The following TYW1 variants were observed in gnomAD, a reference collection of about 807,000 sequenced individuals.
TYW1 encodes the protein tRNA-yW synthesizing protein 1 homolog, also known as S-adenosyl-L-methionine-dependent tRNA 4-demethylwyosine synthase TYW1.
TYW1 carries 46 observed loss-of-function variants against 96.2 expected under a neutral mutation model. The observed-to-expected ratio is 0.48, with a 90% CI of 0.38 to 0.61. The LOEUF (loss-of-function observed/expected upper bound fraction) is 0.61. TYW1 is among the 20% of genes least tolerant of loss of function. The pLI is 0.00. For synonymous variants in TYW1, 274 were observed against 323.0 expected (o/e 0.85, Z 1.63); for missense variants, 684 against 909.6 (o/e 0.75, Z 3.19).
At chr7:67,055,407 G>T (rs376568397) in intron 8 of TYW1, among the ~76,000 whole-genome samples, 4 of 152,022 alleles carry the variant, frequency 2.6e-5, no homozygotes, top group African/African-American at 9.7e-5. Flanking sequence ...GACCAGCCTG[G>T]CCAACATGGT....
At chr7:67,145,402 G>T (rs1420896326) in intron 13 of TYW1, among the ~76,000 whole-genome samples, 1 of 152,082 alleles carries the variant, frequency 6.6e-6, no homozygotes, top group Non-Finnish European at 1.5e-5. Context: ...ACCCGCCTCG[G>T]CCTCCCAAAG....
intron 3 of TYW1, 63 bp from the exon 4 acceptor site, chr7:67,009,520 G>A: frequency 7.1e-7 from 1 of 1,417,138 alleles, no homozygotes; most frequent in Non-Finnish European, 9.8e-7. Flanking sequence ...TGCCAACAGG[G>A]GTAATGAGGG....
intron 9 of TYW1, among the ~76,000 whole-genome samples, chr7:67,064,952 A>G (rs1200318625): frequency 2.6e-5 from 4 of 152,256 alleles, no homozygotes; most frequent in African/African-American, 9.6e-5. Flanking sequence ...AAAATGGATC[A>G]CAGACTTAAA....
chr7:67,047,772 T>G (rs1168315190), intron 7 of TYW1, among the ~76,000 whole-genome samples: 1 of 149,542 alleles, frequency 6.7e-6, no homozygotes, highest in Non-Finnish European at 1.5e-5. Context: ...ACTTACTTTC[T>G]GTGAGTGTCA....
chr7:67,192,746 A>G (rs1171746746), intron 14 of TYW1, among the ~76,000 whole-genome samples: 4 of 152,162 alleles, frequency 2.6e-5, no homozygotes, highest in Non-Finnish European at 4.4e-5. Flanking sequence ...ACTAATTGAC[A>G]TAGGGTTTTT....
chr7:67,080,628 G>C (rs547553042), intron 10 of TYW1, among the ~76,000 whole-genome samples: 2 of 152,146 alleles, frequency 1.3e-5, no homozygotes, highest in Non-Finnish European at 2.9e-5. Flanking sequence ...TCGAACTCCT[G>C]ACCTCGTGAT....
chr7:66,997,683 C>A (rs978133255), intron 1 of TYW1, among the ~76,000 whole-genome samples: 1 of 132,768 alleles, frequency 7.5e-6, no homozygotes, highest in African/African-American at 2.8e-5. Flanking sequence ...GGCTGGAGTG[C>A]GGTGGCGCAA....
chr7:67,181,736 A>G lies in TYW1; in HGVS notation c.1699-1390A>G, dbSNP rs1010446433. 2.6e-5 allele frequency among the ~76,000 whole-genome samples: 4 copies of G among 152,142 alleles called. 1 individual carries two copies. The highest frequency in any genetic ancestry group is 9.7e-5 in the African/African-American group (4 of 41,430). On this transcript the variant is annotated intron_variant, in intron 13 of 15. Transcript: ENST00000359626. ...ATGTACATAGAACCACATGCATCCC[A>G]TCACCTTTGCCATAGTCTGTTGGTT...
chr7:67,153,764 G>T (rs9690145), intron 13 of TYW1, among the ~76,000 whole-genome samples: 3 of 151,928 alleles, frequency 2.0e-5, no homozygotes, highest in Admixed American at 6.6e-5. Flanking sequence ...TTTTTAAAGT[G>T]CAAATTGAAT....
intron 13 of TYW1, among the ~76,000 whole-genome samples, chr7:67,157,753 T>G (rs1160161432): frequency 6.6e-6 from 1 of 152,226 alleles, no homozygotes; most frequent in Non-Finnish European, 1.5e-5. Flanking sequence ...CAGACTTCCC[T>G]TGTCTTTGAT....
intron 13 of TYW1, among the ~76,000 whole-genome samples, chr7:67,124,118 C>A (rs1458574694): frequency 6.6e-6 from 1 of 152,176 alleles, no homozygotes; most frequent in African/African-American, 2.4e-5. Context: ...ATGACTCATA[C>A]TTTACCAGAA....
chr7:67,020,852 A>C (rs1245512229), intron 6 of TYW1, among the ~76,000 whole-genome samples: 1 of 152,244 alleles, frequency 6.6e-6, no homozygotes, highest in African/African-American at 2.4e-5. Flanking sequence ...ACATGGTGAA[A>C]CCCTGTCTCT....
At chr7:67,007,391 G>A (rs1793635638) in intron 3 of TYW1, among the ~76,000 whole-genome samples, 2 of 151,896 alleles carry the variant, frequency 1.3e-5, no homozygotes, top group Non-Finnish European at 1.5e-5. Flanking sequence ...TTGTTGCTTC[G>A]CTTGTTGCAT....
At chr7:67,065,020 C>T (rs1795815795) in intron 9 of TYW1, among the ~76,000 whole-genome samples, 1 of 152,246 alleles carries the variant, frequency 6.6e-6, no homozygotes, top group Non-Finnish European at 1.5e-5. Context: ...TCACATGCTT[C>T]TATGCCTGTG....
intron 8 of TYW1, among the ~76,000 whole-genome samples, chr7:67,053,091 T>A (rs796611166): frequency 0.11 from 16,181 of 151,374 alleles, 941 homozygotes; most frequent in Middle Eastern, 0.15. Flanking sequence ...CTTTTTTTTT[T>A]TTTTTTTTTT....
At chr7:67,211,191 T>TGTGTGTG (rs1353587546) in intron 15 of TYW1, among the ~76,000 whole-genome samples, 42 of 141,468 alleles carry the variant, frequency 3.0e-4, no homozygotes, top group South Asian at 4.6e-4. Flanking sequence ...TGTGTGTGTG[T>TGTGTGTG]TTTGAGCACT....
chr7:67,115,129 T>C (rs1218002842), intron 12 of TYW1, among the ~76,000 whole-genome samples: 1 of 152,138 alleles, frequency 6.6e-6, no homozygotes, highest in East Asian at 1.9e-4. Context: ...TAAGTAGTTA[T>C]GGAAGCATAC....
intron 13 of TYW1, among the ~76,000 whole-genome samples, chr7:67,167,996 G>A (rs918717819): frequency 2.0e-5 from 3 of 151,896 alleles, no homozygotes; most frequent in African/African-American, 7.3e-5. Flanking sequence ...CTCATGATCC[G>A]CCCACCTCGG....
Position 67,239,104 on chromosome 7 carries a change from C to G in TYW1, c.*575C>G, listed in dbSNP as rs1049369090. The G allele has an allele frequency of 2.0e-6, 2 of 986,254 alleles. No individual in the cohort carries two copies. The highest frequency in any genetic ancestry group is 4.7e-5 in the South Asian group (1 of 21,374). 61.1% of individuals were successfully genotyped at this position (986,254 alleles called of 1,614,324 possible). ...GATTGAGTTTTGGTTTATTACCAACCCTTCCCAGAATTGCGTTGGATCTAA... is the reference window on the plus strand; with the variant it reads ...GATTGAGTTTTGGTTTATTACCAACGCTTCCCAGAATTGCGTTGGATCTAA... On this transcript the variant is annotated 3_prime_UTR_variant, in exon 16 of 16. Coordinates refer to ENST00000359626, the MANE Select transcript of TYW1 (RefSeq NM_018264.4).
Sources: allele counts gnomAD v4.1 joint callset (sites outside exome capture counted in the v4.1 genomes callset), GRCh38; gene constraint gnomAD v4.1.1; transcripts MANE v1.5; gene names NCBI Gene and HGNC (gene_info 2026-07-23, HGNC 2026-07-21).